The following HDAC2 variants were observed in gnomAD, a reference collection of about 807,000 sequenced individuals.
The protein encoded by HDAC2 is histone deacetylase 2.
HDAC2 carries 5 observed loss-of-function variants against 68.5 expected under a neutral mutation model. The observed-to-expected ratio is 0.07, with a 90% confidence interval of 0.04 to 0.15. HDAC2 has a LOEUF of 0.15. Among genes scored for constraint, HDAC2 ranks in the 10% least tolerant of loss-of-function variants. The probability of loss-of-function intolerance (pLI) is 1.00; values close to 1 mark genes in which losing one functional copy is unlikely to be tolerated. For missense variants in HDAC2, 291 were observed against 600.8 expected (o/e 0.48, Z 5.39); for synonymous variants, 182 against 191.3 (o/e 0.95, Z 0.40).
At chr6:113,965,636 G>A (rs912968785) in intron 1 of HDAC2, among the ~76,000 whole-genome samples, 1 of 152,176 alleles carries the variant, frequency 6.6e-6, no homozygotes, top group African/African-American at 2.4e-5. Context: ...TTCCCAAAGT[G>A]CTGGGATTAT....
chr6:113,940,850 C>A lies in HDAC2; in HGVS notation c.*208G>T. On this transcript the variant is annotated 3_prime_UTR_variant, in exon 14 of 14. Transcript: ENST00000519065. ...CAATTTTAAATACTATCACATAAAG[C>A]ATGGTGGAGAAAAGAAATTTTGCTT... The A allele has an allele frequency of 2.2e-6, 1 of 460,642 alleles. No individual in the cohort carries two copies. Among genetic ancestry groups the A allele is most frequent in the Non-Finnish European group, 3.8e-6 (1 of 260,610 alleles). 28.5% of individuals were successfully genotyped at this position (460,642 alleles called of 1,614,324 possible).
rs1304962115 is a variant in HDAC2, at chr6:113,933,394, T to G, written c.*7664A>C. On this transcript the variant is annotated 3_prime_UTR_variant, in exon 14 of 14. Transcript: ENST00000519065. Reference sequence around the variant, plus strand: ...ACTTTCCAAATTTCACAGGACTTGTTGATGGCAGAACTGGAATAGGATTCA... The same window carrying G: ...ACTTTCCAAATTTCACAGGACTTGTGGATGGCAGAACTGGAATAGGATTCA... 6.6e-6 allele frequency: 1 copy of G among 152,168 alleles called. No individual in the cohort carries two copies. Among genetic ancestry groups the G allele is most frequent in the African/African-American group, 2.4e-5 (1 of 41,444 alleles). The allele number at this position is 152,168 out of a possible 1,614,324, so 9.4% of individuals were successfully genotyped here. A position where few individuals can be genotyped will look rare whatever the true frequency, so the allele number is the denominator to read the frequency against.
At position 113,949,218 on chromosome 6, in the gene HDAC2, GA is replaced by G; in HGVS notation, c.681del (p.Pro228GlnfsTer2). On this transcript the variant is annotated frameshift_variant, in exon 7 of 14. Transcript: ENST00000519065. LOFTEE classifies it high-confidence loss of function. ...TCATCATCTATACCATCTCTCATTG[GA>G]AAATTGACAGCATAGTATTTGCCTT... ...AGKGKYYAVN[F>X]PMRDGIDDES... 6.2e-7 allele frequency: 1 copy of G among 1,607,546 alleles called. No homozygotes were observed. Among genetic ancestry groups the G allele is most frequent in the Non-Finnish European group, 8.5e-7 (1 of 1,174,098 alleles).
chr6:113,963,018 C>T (rs1050995002), intron 1 of HDAC2, among the ~76,000 whole-genome samples: 1 of 150,990 alleles, frequency 6.6e-6, no homozygotes, highest in Non-Finnish European at 1.5e-5. Context: ...ATAAAATAAC[C>T]ATCTCCAACT....
Position 113,937,770 on chromosome 6 carries a change from T to TA in HDAC2, c.*3287dup, listed in dbSNP as rs1421509527. ...GGGAGGCTGAGGTGGGAGAATACCC[T>TA]AAGCCTAGAAGTTCTAAGATGTAGT... On this transcript the variant is annotated 3_prime_UTR_variant, in exon 14 of 14. Transcript: ENST00000519065. 1 of 152,258 alleles carries TA rather than the reference T, an allele frequency of 6.6e-6. No individual in the cohort carries two copies. Among genetic ancestry groups the TA allele is most frequent in the African/African-American group, 2.4e-5 (1 of 41,456 alleles). The allele number at this position is 152,258 out of a possible 1,614,324, so 9.4% of individuals were successfully genotyped here. A position where few individuals can be genotyped will look rare whatever the true frequency, so the allele number is the denominator to read the frequency against.
chr6:113,955,900 A>T, intron 5 of HDAC2, 113 bp downstream of exon 5: 1 of 695,946 alleles, frequency 1.4e-6, no homozygotes, highest in Non-Finnish European at 2.2e-6. Context: ...ATTCACCATT[A>T]ACTATTTCAA....
At chr6:113,959,871 A>G (rs1309700502) in intron 2 of HDAC2, 35 bp downstream of exon 2, 4 of 855,884 alleles carry the variant, frequency 4.7e-6, no homozygotes, top group Non-Finnish European at 7.7e-6. Flanking sequence ...AATAAAAAAG[A>G]TCAGTGCTGA....
chr6:113,941,861 A>G (rs1776143522), intron 12 of HDAC2, 96 bp from the exon 13 acceptor site: 5 of 362,136 alleles, frequency 1.4e-5, no homozygotes, highest in Non-Finnish European at 1.9e-5. Context: ...AAATATAAAA[A>G]GTTATGCAAT....
intron 1 of HDAC2, among the ~76,000 whole-genome samples, chr6:113,965,150 GTTTTGTGCAGTCCCAC>G (rs1283132587): frequency 6.6e-6 from 1 of 152,128 alleles, no homozygotes; most frequent in Non-Finnish European, 1.5e-5. Context: ...TTACTACACA[GTTTTGTGCAGTCCCAC>G]TTTTTACTGC....
intron 11 of HDAC2, among the ~76,000 whole-genome samples, chr6:113,943,741 TTTTC>T (rs1332627001): frequency 2.0e-5 from 3 of 152,180 alleles, no homozygotes; most frequent in Non-Finnish European, 4.4e-5. Flanking sequence ...GGGAATCTCT[TTTTC>T]TTTAAAAATG....
In HDAC2 at chr6:113,945,445, C is replaced by T; in HGVS notation, c.1008G>A (p.Glu336=). The T allele has an allele frequency of 6.5e-7, 1 of 1,539,506 alleles. No homozygotes were observed. The highest frequency in any genetic ancestry group is 1.1e-5 in the South Asian group (1 of 89,306). The part of the protein sequence containing the change: ...PNELPYNDYF[E]YFGPDFKLHI... ...GCAGTTTGAAGTCTGGTCCAAAATA[C>T]TCAAAGTAATCATTATATGGCAACT... The change falls in exon 10 of 14, where the codon GAG becomes GAA. Residue 336 remains glutamate, a synonymous_variant. Coordinates refer to ENST00000519065, the MANE Select transcript of HDAC2 (RefSeq NM_001527.4).
At chr6:113,958,895 T>C (rs1776616322) in intron 2 of HDAC2, 129 bp from the exon 3 acceptor site, 1 of 698,424 alleles carries the variant, frequency 1.4e-6, no homozygotes, top group Non-Finnish European at 2.5e-6. Flanking sequence ...AATATATAAA[T>C]TCCAAAACTA....
At position 113,958,486 on chromosome 6, in the gene HDAC2, T is replaced by C. The variant is rs1268778950; in HGVS notation, c.283+163A>G. 5.9e-6 allele frequency: 3 copies of C among 505,910 alleles called. No homozygotes were observed. The African/African-American group carries it at 6.0e-5, about 10-fold the overall frequency. 31.3% of individuals were successfully genotyped at this position (505,910 alleles called of 1,614,324 possible). ...ATAAGCTTCAGATAGGTTTACTTTT[T>C]TCTTAAGTAGCTTTAGTAGTGTTAA... On this transcript the variant is annotated intron_variant, in intron 3 of 13. Coordinates refer to ENST00000519065, the MANE Select transcript of HDAC2 (RefSeq NM_001527.4).
intron 1 of HDAC2, among the ~76,000 whole-genome samples, chr6:113,964,984 A>G (rs1168637564): frequency 2.0e-5 from 3 of 152,240 alleles, no homozygotes; most frequent in African/African-American, 7.2e-5. Context: ...GTCTATTTCT[A>G]TCTAAAATGC....
At chr6:113,953,216 T>C (rs536237443) in intron 6 of HDAC2, 61 bp downstream of exon 6, 2 of 1,209,386 alleles carry the variant, frequency 1.7e-6, no homozygotes, top group South Asian at 2.9e-5. Context: ...ACTTCAAGTA[T>C]AGGATTACTG....
At chr6:113,953,975 ATTGT>A (rs1776484982) in intron 5 of HDAC2, among the ~76,000 whole-genome samples, 1 of 152,262 alleles carries the variant, frequency 6.6e-6, no homozygotes. Flanking sequence ...GCCATGCTCA[ATTGT>A]TTATTACCTA....
At chr6:113,967,930 C>T (rs1305494253) in intron 1 of HDAC2, among the ~76,000 whole-genome samples, 1 of 152,170 alleles carries the variant, frequency 6.6e-6, no homozygotes, top group Non-Finnish European at 1.5e-5. Context: ...AATAACTTCT[C>T]TTACTTTTCT....
rs1325759725 is a variant in HDAC2, at chr6:113,937,165, G to A, written c.*3893C>T. ...CCTAAGATTATGGTGGAGATCCTAA[G>A]CTATTGAAATGATTACTACTTGTTT... On this transcript the variant is annotated 3_prime_UTR_variant, in exon 14 of 14. Transcript: ENST00000519065. The A allele has an allele frequency of 6.6e-6, 1 of 152,070 alleles. No homozygotes were observed. Among genetic ancestry groups the A allele is most frequent in the Non-Finnish European group, 1.5e-5 (1 of 68,002 alleles). 9.4% of individuals were successfully genotyped at this position (152,070 alleles called of 1,614,324 possible). A position where few individuals can be genotyped will look rare whatever the true frequency, so the allele number is the denominator to read the frequency against.
chr6:113,947,552 TAAGTAC>T (rs1776292008), intron 8 of HDAC2: 1 of 152,180 alleles, frequency 6.6e-6, no homozygotes, highest in African/African-American at 2.4e-5. Context: ...TAAAAAATAT[TAAGTAC>T]AAAAACATTA....
Sources: allele counts gnomAD v4.1 joint callset (sites outside exome capture counted in the v4.1 genomes callset), GRCh38; gene constraint gnomAD v4.1.1; transcripts MANE v1.5; gene names NCBI Gene and HGNC (gene_info 2026-07-23, HGNC 2026-07-21).